HPSE2: variants seen among roughly 807,000 people sequenced by gnomAD.
HPSE2 encodes the protein inactive heparanase-2.
Under a neutral mutation model 60.5 loss-of-function variants are expected in HPSE2, and 38 were observed. That is an observed-to-expected ratio of 0.63 (90% CI 0.48 to 0.82). The LOEUF (loss-of-function observed/expected upper bound fraction) is 0.82, where lower values mean the gene tolerates loss of function less well. HPSE2 is among the 40% of genes least tolerant of loss of function. The probability of loss-of-function intolerance (pLI) is 0.00; values close to 1 mark genes in which losing one functional copy is unlikely to be tolerated. For synonymous variants in HPSE2, 295 were observed against 293.2 expected (o/e 1.01, Z -0.06); for missense variants, 713 against 740.4 (o/e 0.96, Z 0.43).
chr10:98,778,339 A>C (rs1172122200), intron 3 of HPSE2, among the ~76,000 whole-genome samples: 1 of 148,980 alleles, frequency 6.7e-6, no homozygotes, highest in Non-Finnish European at 1.5e-5. Context: ...ATTGGGATCT[A>C]GGGTATTACC....
chr10:99,080,653 T>C (rs1394604020), intron 3 of HPSE2, among the ~76,000 whole-genome samples: 1 of 152,270 alleles, frequency 6.6e-6, no homozygotes, highest in Non-Finnish European at 1.5e-5. Flanking sequence ...ACAAGTGCTC[T>C]TTGAGATTTA....
the HPSE2 span, among the ~76,000 whole-genome samples, chr10:99,270,980 A>G: frequency 6.6e-6 from 1 of 152,230 alleles, no homozygotes; most frequent in East Asian, 1.9e-4. Flanking sequence ...TAGAAGGGAC[A>G]TACCTTAATA....
chr10:99,105,045 A>G (rs529719472), intron 3 of HPSE2, among the ~76,000 whole-genome samples: 1 of 141,118 alleles, frequency 7.1e-6, no homozygotes, highest in Non-Finnish European at 1.5e-5. Context: ...CATGTACCCT[A>G]GAACTTAAAA....
chr10:99,300,028 CA>C, the HPSE2 span, among the ~76,000 whole-genome samples: 128 of 131,396 alleles, frequency 9.7e-4, no homozygotes, highest in Non-Finnish European at 8.8e-4. Flanking sequence ...GAGGGAGAGG[CA>C]AAAAAAAAAA....
rs1054597076 is a variant in HPSE2, at chr10:99,028,234, T to C, written c.610+116004A>G. Reference sequence around the variant, plus strand: ...TTTGTTTGCAGAGGACATGATCTTATATTTGGAAAAAACTAAAGACTCCAC... The same window carrying C: ...TTTGTTTGCAGAGGACATGATCTTACATTTGGAAAAAACTAAAGACTCCAC... On this transcript the variant is annotated intron_variant, in intron 3 of 11. Transcript: ENST00000370552. Among the ~76,000 whole-genome samples the C allele has an allele frequency of 1.4e-4, 22 of 152,322 alleles. No homozygotes were observed. The East Asian group carries it at 3.9e-3, about 27-fold the overall frequency.
chr10:98,758,342 C>T (rs146922293), intron 3 of HPSE2, among the ~76,000 whole-genome samples: 1 of 149,312 alleles, frequency 6.7e-6, no homozygotes, highest in African/African-American at 2.4e-5. Context: ...CAAATGGGAC[C>T]TAATTAAACT....
intron 3 of HPSE2, among the ~76,000 whole-genome samples, chr10:99,011,337 A>G (rs1305581161): frequency 6.6e-6 from 1 of 152,212 alleles, no homozygotes. Flanking sequence ...AAGTTGGATC[A>G]ATACTTATAG....
In HPSE2 at chr10:98,744,973, C is replaced by T. The variant is rs186443531; in HGVS notation, c.611-917G>A. Reference sequence around the variant, plus strand: ...ATTCCAGCACTTTGGGAGGCCGAGGCGGGTGGATCTCGAGGTCAGGAGATG... The same window carrying T: ...ATTCCAGCACTTTGGGAGGCCGAGGTGGGTGGATCTCGAGGTCAGGAGATG... On this transcript the variant is annotated intron_variant, in intron 3 of 11. Coordinates refer to ENST00000370552, the MANE Select transcript of HPSE2 (RefSeq NM_021828.5). 4.0e-3 allele frequency among the ~76,000 whole-genome samples: 611 copies of T among 152,238 alleles called. 1 individual carries two copies. The highest frequency in any genetic ancestry group is 0.014 in the African/African-American group (572 of 41,550).
At chr10:98,725,685 C>T (rs1949056000) in intron 4 of HPSE2, among the ~76,000 whole-genome samples, 1 of 152,084 alleles carries the variant, frequency 6.6e-6, no homozygotes. Context: ...CAGAAACCAC[C>T]ATCAGAGTGA....
chr10:98,766,278 C>G (rs569453084), intron 3 of HPSE2, among the ~76,000 whole-genome samples: 2 of 152,202 alleles, frequency 1.3e-5, no homozygotes, highest in East Asian at 3.9e-4. Flanking sequence ...AAATTGAATT[C>G]ATAGTTTAAA....
intron 6 of HPSE2, among the ~76,000 whole-genome samples, chr10:98,686,687 A>T (rs1409635776): frequency 6.6e-6 from 1 of 152,174 alleles, no homozygotes; most frequent in Non-Finnish European, 1.5e-5. Flanking sequence ...TTACAGGCAC[A>T]TATATTATTT....
chr10:98,623,472 C>T (rs1477488473), intron 7 of HPSE2, among the ~76,000 whole-genome samples: 1 of 152,084 alleles, frequency 6.6e-6, no homozygotes, highest in African/African-American at 2.4e-5. Flanking sequence ...TTCATACTTT[C>T]AAAGGGTGAA....
chr10:98,564,815 C>T (rs1293466711), intron 9 of HPSE2, among the ~76,000 whole-genome samples: 2 of 152,116 alleles, frequency 1.3e-5, no homozygotes, highest in Non-Finnish European at 1.5e-5. Context: ...ATTTTGCAAG[C>T]TTTCTCAATA....
chr10:98,685,975 G>A (rs1389982109), intron 6 of HPSE2, among the ~76,000 whole-genome samples: 1 of 152,070 alleles, frequency 6.6e-6, no homozygotes, highest in Non-Finnish European at 1.5e-5. Context: ...TATTTTTAAT[G>A]TCTGTGCAAT....
intron 2 of HPSE2, among the ~76,000 whole-genome samples, chr10:99,210,861 A>G (rs1028841945): frequency 2.0e-5 from 3 of 152,240 alleles, no homozygotes; most frequent in African/African-American, 7.2e-5. Context: ...GATGAGGAAT[A>G]AGATAAAGAT....
chr10:98,726,127 A>T (rs1466208870), intron 4 of HPSE2, among the ~76,000 whole-genome samples: 3 of 152,178 alleles, frequency 2.0e-5, no homozygotes, highest in Non-Finnish European at 4.4e-5. Flanking sequence ...CAGCCATCCC[A>T]TTACTGGGTA....
chr10:98,621,488 C>T (rs530267114), intron 7 of HPSE2, among the ~76,000 whole-genome samples: 45 of 152,194 alleles, frequency 3.0e-4, no homozygotes, highest in Non-Finnish European at 5.9e-4. Flanking sequence ...GAACCTGAGT[C>T]AAAGGCTTGT....
intron 3 of HPSE2, among the ~76,000 whole-genome samples, chr10:98,750,688 G>T (rs994001422): frequency 6.6e-6 from 1 of 152,118 alleles, no homozygotes; most frequent in Non-Finnish European, 1.5e-5. Context: ...GAAGTTTTTG[G>T]CTTAAGCAAC....
intron 11 of HPSE2, among the ~76,000 whole-genome samples, chr10:98,471,706 G>A (rs1043768813): frequency 2.6e-5 from 4 of 152,044 alleles, no homozygotes; most frequent in African/African-American, 9.7e-5. Context: ...TGTGTACCAG[G>A]GATGTTCATG....
Sources: gnomAD v4.1 joint callset for allele counts (sites outside exome capture counted in the v4.1 genomes callset) on GRCh38, gnomAD v4.1.1 for gene constraint, MANE v1.5 for transcripts, NCBI Gene and HGNC (gene_info 2026-07-23, HGNC 2026-07-21) for gene names.